The following CDK14 variants were observed in gnomAD, a reference collection of about 807,000 sequenced individuals.
The protein encoded by CDK14 is cyclin dependent kinase 14, also known as cyclin-dependent kinase 14.
A neutral mutation model predicts 60.7 loss-of-function variants in CDK14; 34 were observed. The ratio of observed to expected loss-of-function variants is 0.56; its 90% confidence interval spans 0.43 to 0.75. The LOEUF (loss-of-function observed/expected upper bound fraction) is 0.75, where lower values mean the gene tolerates loss of function less well. Among genes scored for constraint, CDK14 ranks in the 30% least tolerant of loss-of-function variants. The pLI is 0.00. For missense variants in CDK14, 482 were observed against 564.1 expected, an observed-to-expected ratio of 0.85 and a Z score of 1.47; for synonymous variants, 197 against 203.7, an observed-to-expected ratio of 0.97 and a Z score of 0.28.
At chr7:90,813,314 T>G (rs1054670714) in intron 5 of CDK14, among the ~76,000 whole-genome samples, 4 of 152,180 alleles carry the variant, frequency 2.6e-5, no homozygotes, top group African/African-American at 9.7e-5. Flanking sequence ...CTCTCTGGTG[T>G]AGGGAAAATG....
chr7:90,797,573 C>G (rs1333599090), intron 5 of CDK14, among the ~76,000 whole-genome samples: 1 of 151,868 alleles, frequency 6.6e-6, no homozygotes, highest in East Asian at 1.9e-4. Context: ...TCCATTCTTG[C>G]ACTGTTGTAA....
At chr7:91,200,904 T>G (rs967885881) in intron 14 of CDK14, among the ~76,000 whole-genome samples, 4 of 152,230 alleles carry the variant, frequency 2.6e-5, no homozygotes, top group Non-Finnish European at 5.9e-5. Context: ...ACAAAATCAG[T>G]AAGTCCAGTA....
intron 14 of CDK14, among the ~76,000 whole-genome samples, chr7:91,123,948 G>T (rs1458291935): frequency 1.3e-5 from 2 of 151,874 alleles, no homozygotes; most frequent in Admixed American, 6.6e-5. Flanking sequence ...TAAGAGACAG[G>T]GTCTCGCTCT....
At chr7:91,121,318 G>T (rs763326183) in intron 14 of CDK14, among the ~76,000 whole-genome samples, 1 of 152,154 alleles carries the variant, frequency 6.6e-6, no homozygotes, top group Non-Finnish European at 1.5e-5. Context: ...AGGCCAAGGG[G>T]GTTGGGGGCT....
intron 14 of CDK14, among the ~76,000 whole-genome samples, chr7:91,133,004 T>A (rs531498474): frequency 6.2e-4 from 94 of 152,206 alleles, no homozygotes; most frequent in Non-Finnish European, 1.1e-3. Flanking sequence ...TGAATAACAA[T>A]CCCCTTAATT....
intron 2 of CDK14, among the ~76,000 whole-genome samples, chr7:90,701,670 G>A (rs1204343670): frequency 6.6e-6 from 1 of 152,164 alleles, no homozygotes; most frequent in African/African-American, 2.4e-5. Flanking sequence ...ATGGGTACCA[G>A]CACTCTTGAT....
At chr7:91,081,491 T>C (rs866032983) in intron 12 of CDK14, among the ~76,000 whole-genome samples, 1 of 152,182 alleles carries the variant, frequency 6.6e-6, no homozygotes, top group South Asian at 2.1e-4. Context: ...TGGGTTAATA[T>C]AAGATAGGTG....
intron 14 of CDK14, among the ~76,000 whole-genome samples, chr7:91,120,295 G>C (rs1584089622): frequency 6.6e-6 from 1 of 152,138 alleles, no homozygotes; most frequent in Non-Finnish European, 1.5e-5. Context: ...AGGACAGAAG[G>C]GTTGCTCAGA....
intron 9 of CDK14, among the ~76,000 whole-genome samples, chr7:90,980,685 C>G (rs916276223): frequency 3.9e-5 from 6 of 152,048 alleles, no homozygotes; most frequent in African/African-American, 1.4e-4. Flanking sequence ...GTATAATTCT[C>G]TCAGCTTCTT....
At chr7:91,203,872 A>G (rs1655646580) in intron 14 of CDK14, among the ~76,000 whole-genome samples, 2 of 152,200 alleles carry the variant, frequency 1.3e-5, no homozygotes, top group African/African-American at 4.8e-5. Flanking sequence ...GTCCTCAAAA[A>G]GATGCCAGTG....
intron 7 of CDK14, among the ~76,000 whole-genome samples, chr7:90,905,778 C>T (rs528353951): frequency 8.8e-4 from 134 of 152,224 alleles, no homozygotes; most frequent in African/African-American, 2.2e-3. Flanking sequence ...AACACTAAGT[C>T]ACATAGGTTC....
chr7:90,621,843 T>G (rs1254684066), intron 2 of CDK14, among the ~76,000 whole-genome samples: 1 of 152,096 alleles, frequency 6.6e-6, no homozygotes, highest in Non-Finnish European at 1.5e-5. Flanking sequence ...GAAACGGAAG[T>G]TTAGAGAAGT....
chr7:90,952,666 G>A (rs2117554945), intron 8 of CDK14, among the ~76,000 whole-genome samples: 1 of 152,262 alleles, frequency 6.6e-6, no homozygotes, highest in African/African-American at 2.4e-5. Context: ...TTTGCTTTTT[G>A]TCTTTTAAAT....
intron 11 of CDK14, among the ~76,000 whole-genome samples, chr7:91,061,295 A>T (rs532757320): frequency 6.6e-6 from 1 of 152,068 alleles, no homozygotes; most frequent in African/African-American, 2.4e-5. Flanking sequence ...CTAGTTAGCC[A>T]TTCATCTAAT....
intron 2 of CDK14, among the ~76,000 whole-genome samples, chr7:90,681,859 G>A (rs893249213): frequency 2.6e-5 from 4 of 152,076 alleles, no homozygotes; most frequent in African/African-American, 9.7e-5. Flanking sequence ...TCAATTCCTG[G>A]ACCATCTTCA....
At chr7:90,756,113 T>C (rs1804046908) in intron 4 of CDK14, among the ~76,000 whole-genome samples, 1 of 152,230 alleles carries the variant, frequency 6.6e-6, no homozygotes, top group African/African-American at 2.4e-5. Flanking sequence ...TCCTAATCAG[T>C]ACACCATTAC....
intron 2 of CDK14, among the ~76,000 whole-genome samples, chr7:90,605,926 C>T (rs764733159): frequency 6.6e-6 from 1 of 152,200 alleles, no homozygotes; most frequent in Non-Finnish European, 1.5e-5. Context: ...TGGAGCCCAG[C>T]TGAAGGTTAA....
chr7:90,622,666 A>G (rs940035830), intron 2 of CDK14, among the ~76,000 whole-genome samples: 4 of 152,194 alleles, frequency 2.6e-5, no homozygotes, highest in Admixed American at 2.6e-4. Context: ...GGAAGGGTGA[A>G]GCAATATCTA....
chr7:91,127,645 G>C (rs927090793), intron 14 of CDK14, among the ~76,000 whole-genome samples: 1 of 151,888 alleles, frequency 6.6e-6, no homozygotes, highest in Admixed American at 6.6e-5. Context: ...GTCCTATTTT[G>C]GTACAATGTT....
Sources: gnomAD v4.1 joint callset for allele counts (sites outside exome capture counted in the v4.1 genomes callset) on GRCh38, gnomAD v4.1.1 for gene constraint, MANE v1.5 for transcripts, NCBI Gene and HGNC (gene_info 2026-07-23, HGNC 2026-07-21) for gene names.